Variants in ROBO2 observed in about 807,000 individuals in gnomAD.
The protein encoded by ROBO2 is roundabout guidance receptor 2, also known as roundabout homolog 2.
Under a neutral mutation model 160.8 loss-of-function variants are expected in ROBO2, and 53 were observed. The ratio of observed to expected loss-of-function variants is 0.33; its 90% CI spans 0.26 to 0.41. ROBO2 has a LOEUF of 0.41. Ranked by LOEUF, ROBO2 falls within the 10% of genes least tolerant of loss-of-function variation. The probability of loss-of-function intolerance (pLI) is 1.00; values close to 1 mark genes in which losing one functional copy is unlikely to be tolerated. For synonymous variants in ROBO2, 664 were observed against 611.7 expected (o/e 1.09, Z -1.26); for missense variants, 1,577 against 1,722.4 (o/e 0.92, Z 1.49).
At chr3:77,170,573 A>G (rs1366417751) in intron 2 of ROBO2, among the ~76,000 whole-genome samples, 1 of 152,088 alleles carries the variant, frequency 6.6e-6, no homozygotes, top group Non-Finnish European at 1.5e-5. Flanking sequence ...TCTCTGTGGC[A>G]CACGTCACTT....
At chr3:76,237,596 T>TAATA (rs1227345699) in intron 2 of ROBO2, among the ~76,000 whole-genome samples, 1 of 152,136 alleles carries the variant, frequency 6.6e-6, no homozygotes, top group Non-Finnish European at 1.5e-5. Flanking sequence ...CCTGGATAGT[T>TAATA]AATAAATAAA....
At chr3:77,597,300 TAAA>T (rs2094328293) in intron 19 of ROBO2, among the ~76,000 whole-genome samples, 1 of 102,732 alleles carries the variant, frequency 9.7e-6, no homozygotes, top group East Asian at 2.7e-4. Flanking sequence ...TATCCAAAAA[TAAA>T]TAAATAAATA....
chr3:77,595,900 C>T (rs966167118), intron 18 of ROBO2, among the ~76,000 whole-genome samples: 6 of 151,990 alleles, frequency 3.9e-5, no homozygotes, highest in African/African-American at 1.5e-4. Flanking sequence ...TATAGATGTT[C>T]TATTTCTGTG....
intron 16 of ROBO2, among the ~76,000 whole-genome samples, chr3:77,581,775 A>G (rs1422734370): frequency 6.6e-6 from 1 of 152,110 alleles, no homozygotes; most frequent in Non-Finnish European, 1.5e-5. Context: ...TCTCAGGTCA[A>G]ATTATTTGTT....
chr3:77,174,245 G>A (rs1444648199), intron 2 of ROBO2, among the ~76,000 whole-genome samples: 3 of 151,726 alleles, frequency 2.0e-5, no homozygotes, highest in Non-Finnish European at 2.9e-5. Context: ...CTTCTAATCC[G>A]AAATTTTAAA....
At chr3:76,576,847 A>G (rs2085342591) in intron 2 of ROBO2, among the ~76,000 whole-genome samples, 1 of 151,558 alleles carries the variant, frequency 6.6e-6, no homozygotes, top group South Asian at 2.1e-4. Flanking sequence ...TAATCTAACA[A>G]TTCCTTGATA....
At chr3:75,912,073 C>A (rs1946621676) in intron 1 of ROBO2, among the ~76,000 whole-genome samples, 1 of 152,160 alleles carries the variant, frequency 6.6e-6, no homozygotes, top group African/African-American at 2.4e-5. Flanking sequence ...GTCAGTCTTG[C>A]ACAAAACATT....
intron 2 of ROBO2, among the ~76,000 whole-genome samples, chr3:75,986,685 C>A (rs911201501): frequency 6.6e-6 from 1 of 151,478 alleles, no homozygotes; most frequent in African/African-American, 2.4e-5. Flanking sequence ...TTTTGTATTA[C>A]ATTTAGGTCT....
At chr3:76,195,021 T>A (rs2107208352) in intron 2 of ROBO2, among the ~76,000 whole-genome samples, 1 of 152,254 alleles carries the variant, frequency 6.6e-6, no homozygotes, top group South Asian at 2.1e-4. Context: ...GTTTGTCAGT[T>A]TTTTTTCCTC....
At chr3:77,598,273 A>AT (rs2094350903) in intron 19 of ROBO2, among the ~76,000 whole-genome samples, 1 of 151,838 alleles carries the variant, frequency 6.6e-6, no homozygotes, top group Non-Finnish European at 1.5e-5. Flanking sequence ...GTTTGACTAT[A>AT]TTTGAAGTTG....
chr3:76,055,341 A>C (rs2067802245), intron 2 of ROBO2, among the ~76,000 whole-genome samples: 1 of 152,018 alleles, frequency 6.6e-6, no homozygotes, highest in Non-Finnish European at 1.5e-5. Flanking sequence ...CCATCTTTTT[A>C]TTGTATTTAT....
chr3:76,361,595 CAAG>C (rs1322674226), intron 2 of ROBO2, among the ~76,000 whole-genome samples: 1 of 151,960 alleles, frequency 6.6e-6, no homozygotes, highest in Non-Finnish European at 1.5e-5. Flanking sequence ...AATAATTACT[CAAG>C]AACCATATAA....
chr3:76,037,031 C>A (rs561690769), intron 2 of ROBO2, among the ~76,000 whole-genome samples: 1 of 152,050 alleles, frequency 6.6e-6, no homozygotes, highest in Non-Finnish European at 1.5e-5. Context: ...CTGATTTCGA[C>A]TCCCTATTTG....
intron 2 of ROBO2, among the ~76,000 whole-genome samples, chr3:77,144,773 CA>C (rs2150466595): frequency 6.6e-6 from 1 of 152,038 alleles, no homozygotes; most frequent in Admixed American, 6.5e-5. Flanking sequence ...AGATTTTCAT[CA>C]ATTCCAAGAT....
intron 2 of ROBO2, among the ~76,000 whole-genome samples, chr3:76,786,950 A>T (rs2063020236): frequency 6.6e-6 from 1 of 151,376 alleles, no homozygotes; most frequent in African/African-American, 2.4e-5. Context: ...ATGGCTGGGG[A>T]GGCCAGGAAA....
chr3:76,052,106 A>G (rs1230239619), intron 2 of ROBO2, among the ~76,000 whole-genome samples: 1 of 152,146 alleles, frequency 6.6e-6, no homozygotes, highest in African/African-American at 2.4e-5. Context: ...TCTATTTTAA[A>G]AACCTATGTG....
intron 1 of ROBO2, chr3:77,092,249 G>A (rs1195484581): frequency 6.6e-6 from 1 of 151,194 alleles, no homozygotes; most frequent in East Asian, 1.9e-4. Context: ...TATGACTAGC[G>A]ACATTCATGT....
intron 2 of ROBO2, among the ~76,000 whole-genome samples, chr3:76,394,418 T>G (rs1233023174): frequency 6.6e-6 from 1 of 152,130 alleles, no homozygotes; most frequent in African/African-American, 2.4e-5. Flanking sequence ...AATTCTGGGT[T>G]GAAAATTCTT....
intron 2 of ROBO2, among the ~76,000 whole-genome samples, chr3:76,785,067 G>A (rs2062885532): frequency 6.6e-6 from 1 of 151,128 alleles, no homozygotes; most frequent in Non-Finnish European, 1.5e-5. Context: ...ATGAGAGCCA[G>A]AAATTCCTAT....
Sources: allele counts gnomAD v4.1 joint callset (sites outside exome capture counted in the v4.1 genomes callset), GRCh38; gene constraint gnomAD v4.1.1; transcripts MANE v1.5; gene names NCBI Gene and HGNC (gene_info 2026-07-23, HGNC 2026-07-21).